The following KCNH8 variants were observed in gnomAD, a reference collection of about 807,000 sequenced individuals.
KCNH8 encodes voltage-gated delayed rectifier potassium channel KCNH8.
In KCNH8, 70 loss-of-function variants were observed where a neutral mutation model predicts 103.6. The ratio of observed to expected loss-of-function variants is 0.68; its 90% confidence interval spans 0.56 to 0.82. KCNH8 has a LOEUF of 0.82. Among genes scored for constraint, KCNH8 ranks in the 40% least tolerant of loss-of-function variants. The probability of loss-of-function intolerance (pLI) is 0.00; values close to 1 mark genes in which losing one functional copy is unlikely to be tolerated. For missense variants in KCNH8, 1,217 were observed against 1,329.9 expected (o/e 0.92, Z 1.32); for synonymous variants, 498 against 489.4 (o/e 1.02, Z -0.23).
At chr3:19,398,427 G>A (rs915227344) in intron 7 of KCNH8, among the ~76,000 whole-genome samples, 2 of 151,890 alleles carry the variant, frequency 1.3e-5, no homozygotes, top group African/African-American at 2.4e-5. Context: ...GTGACAGCAG[G>A]GTTATTAATA....
At chr3:19,158,649 C>T (rs879372761) in intron 1 of KCNH8, among the ~76,000 whole-genome samples, 2 of 151,808 alleles carry the variant, frequency 1.3e-5, no homozygotes, top group Non-Finnish European at 3.0e-5. Flanking sequence ...TTTATCTTTG[C>T]AATTGCTATG....
At chr3:19,333,840 T>C (rs2065545109) in intron 3 of KCNH8, among the ~76,000 whole-genome samples, 1 of 152,168 alleles carries the variant, frequency 6.6e-6, no homozygotes, top group South Asian at 2.1e-4. Flanking sequence ...ATCAATTCTC[T>C]ACATGATTCC....
chr3:19,477,424 CTTTT>C (rs898684189), intron 11 of KCNH8, among the ~76,000 whole-genome samples: 1 of 131,018 alleles, frequency 7.6e-6, no homozygotes, highest in Non-Finnish European at 1.6e-5. Context: ...TTTTGGTTTT[CTTTT>C]TTTTTTTTTA....
intron 11 of KCNH8, among the ~76,000 whole-genome samples, chr3:19,501,216 G>A (rs530898330): frequency 6.0e-5 from 9 of 151,088 alleles, no homozygotes; most frequent in African/African-American, 2.2e-4. Context: ...ACTCTCCCAA[G>A]ACTAAACCAG....
intron 3 of KCNH8, among the ~76,000 whole-genome samples, chr3:19,328,548 T>C (rs1446680450): frequency 6.6e-6 from 1 of 152,114 alleles, no homozygotes; most frequent in Non-Finnish European, 1.5e-5. Flanking sequence ...GCAATAAAAA[T>C]TTGCTTTTAG....
chr3:19,329,817 C>CA (rs1280538527), intron 3 of KCNH8, among the ~76,000 whole-genome samples: 1 of 152,016 alleles, frequency 6.6e-6, no homozygotes, highest in African/African-American at 2.4e-5. Context: ...TCTGGCACAA[C>CA]AAGATCAAAT....
intron 8 of KCNH8, among the ~76,000 whole-genome samples, chr3:19,441,463 T>C (rs79580700): frequency 0.014 from 2,064 of 152,320 alleles, 45 homozygotes; most frequent in African/African-American, 0.045. Flanking sequence ...ATTGATATTA[T>C]CCACATTTTT....
intron 11 of KCNH8, 110 bp downstream of exon 11, chr3:19,457,092 C>A: frequency 1.6e-6 from 1 of 644,284 alleles, no homozygotes; most frequent in South Asian, 2.5e-5. Flanking sequence ...CTCTGAATAT[C>A]TAAGACGTGA....
intron 3 of KCNH8, among the ~76,000 whole-genome samples, chr3:19,325,878 A>T (rs1024787136): frequency 6.6e-6 from 1 of 152,186 alleles, no homozygotes; most frequent in African/African-American, 2.4e-5. Flanking sequence ...TATTATAAAG[A>T]CATGCACATG....
chr3:19,309,497 A>G (rs1385381693), intron 3 of KCNH8, among the ~76,000 whole-genome samples: 2 of 151,984 alleles, frequency 1.3e-5, no homozygotes, highest in Non-Finnish European at 2.9e-5. Flanking sequence ...GTCACCAAAC[A>G]TCTAGACACA....
Position 19,175,891 on chromosome 3 carries a change from T to C in KCNH8, c.76+27096T>C, listed in dbSNP as rs376110380. Among the ~76,000 whole-genome samples the C allele has an allele frequency of 1.3e-4, 20 of 152,340 alleles. No individual in the cohort carries two copies. The East Asian group carries it at 2.9e-3, about 22-fold the overall frequency. On this transcript the variant is annotated intron_variant, in intron 1 of 15. Transcript: ENST00000328405. ...GATCTGTGAGCTATTTATATTTAGA[T>C]TTGAATACAAGTCCAAGTTCCCGTA...
At chr3:19,285,107 C>T (rs1356199057) in intron 3 of KCNH8, among the ~76,000 whole-genome samples, 1 of 151,394 alleles carries the variant, frequency 6.6e-6, no homozygotes, top group Non-Finnish European at 1.5e-5. Context: ...GGAAAATAGC[C>T]TCAGCAGGGG....
At chr3:19,171,488 CTT>C (rs2063348113) in intron 1 of KCNH8, among the ~76,000 whole-genome samples, 1 of 152,180 alleles carries the variant, frequency 6.6e-6, no homozygotes, top group East Asian at 1.9e-4. Context: ...AAGTTGTCAT[CTT>C]TTAAGGGTTG....
chr3:19,497,072 A>G (rs1020244783), intron 11 of KCNH8, among the ~76,000 whole-genome samples: 4 of 151,944 alleles, frequency 2.6e-5, no homozygotes, highest in African/African-American at 9.7e-5. Flanking sequence ...AGGGTTTTTT[A>G]TATTCCTGTA....
At chr3:19,400,389 C>T (rs866314300) in intron 7 of KCNH8, among the ~76,000 whole-genome samples, 4 of 151,804 alleles carry the variant, frequency 2.6e-5, no homozygotes, top group Admixed American at 6.6e-5. Context: ...TGTGTTTCCT[C>T]AGCTATAATA....
chr3:19,528,749 G>A (rs2069108374), intron 15 of KCNH8, among the ~76,000 whole-genome samples: 1 of 151,972 alleles, frequency 6.6e-6, no homozygotes, highest in Non-Finnish European at 1.5e-5. Context: ...ACAACCAAAA[G>A]TCCTTCAAAA....
In KCNH8 at chr3:19,194,552, T is replaced by A. The variant is rs137936403; in HGVS notation, c.76+45757T>A. Among the ~76,000 whole-genome samples, 63 of 151,936 alleles carry A rather than the reference T, an allele frequency of 4.1e-4. No individual in the cohort carries two copies. The East Asian group carries it at 0.012, about 29-fold the overall frequency. Reference sequence around the variant, plus strand: ...GACATTTCAAAGTCAAATAGTACAGTTTCTCCATAGGGTGCACAAGTTAAT... The same window carrying A: ...GACATTTCAAAGTCAAATAGTACAGATTCTCCATAGGGTGCACAAGTTAAT... On this transcript the variant is annotated intron_variant, in intron 1 of 15. Coordinates refer to ENST00000328405, the MANE Select transcript of KCNH8 (RefSeq NM_144633.3).
At chr3:19,296,320 AG>A (rs2064996454) in intron 3 of KCNH8, among the ~76,000 whole-genome samples, 1 of 152,232 alleles carries the variant, frequency 6.6e-6, no homozygotes, top group South Asian at 2.1e-4. Context: ...ATTTTGCCCA[AG>A]TATTAATTTC....
chr3:19,173,256 T>C (rs2063365263), intron 1 of KCNH8, among the ~76,000 whole-genome samples: 1 of 152,134 alleles, frequency 6.6e-6, no homozygotes, highest in Admixed American at 6.5e-5. Context: ...GACAGTGACT[T>C]GAAGAAGTGA....
Sources: allele counts gnomAD v4.1 joint callset (sites outside exome capture counted in the v4.1 genomes callset), GRCh38; gene constraint gnomAD v4.1.1; transcripts MANE v1.5; gene names NCBI Gene and HGNC (gene_info 2026-07-23, HGNC 2026-07-21).